Variants in MLIP observed in about 807,000 individuals in gnomAD.
MLIP encodes muscular LMNA interacting protein, also known as muscular LMNA-interacting protein.
Under a neutral mutation model 84.8 loss-of-function variants are expected in MLIP, and 79 were observed. The ratio of observed to expected loss-of-function variants is 0.93; its 90% CI spans 0.78 to 1.12. MLIP has a LOEUF of 1.12. MLIP is among the 50% of genes most tolerant of loss of function. The probability of loss-of-function intolerance (pLI) is 0.00; values close to 1 mark genes in which losing one functional copy is unlikely to be tolerated. For missense variants in MLIP, 1,257 were observed against 1,160.6 expected (o/e 1.08, Z -1.21); for synonymous variants, 504 against 463.0 (o/e 1.09, Z -1.14).
At chr6:54,074,938 G>A (rs1391651556) in intron 1 of MLIP, among the ~76,000 whole-genome samples, 1 of 152,020 alleles carries the variant, frequency 6.6e-6, no homozygotes, top group Non-Finnish European at 1.5e-5. Context: ...AAGAACAGCT[G>A]CTGCATTTGC....
At chr6:54,081,203 G>A (rs1011703314) in intron 1 of MLIP, among the ~76,000 whole-genome samples, 1 of 151,982 alleles carries the variant, frequency 6.6e-6, no homozygotes, top group Non-Finnish European at 1.5e-5. Context: ...CACCATCCTT[G>A]GGGAGGTGTT....
chr6:54,096,980 A>G (rs1768259540), intron 1 of MLIP, among the ~76,000 whole-genome samples: 1 of 152,128 alleles, frequency 6.6e-6, no homozygotes, highest in Non-Finnish European at 1.5e-5. Context: ...AGAAGACAGG[A>G]AGGACAGGAA....
At position 54,137,452 on chromosome 6, in the gene MLIP, G is replaced by C. The variant is rs1237366147; in HGVS notation, c.1383G>C (p.Thr461=). The C allele has an allele frequency of 1.3e-6, 2 of 1,535,778 alleles. No individual in the cohort carries two copies. The highest frequency in any genetic ancestry group is 3.9e-5 in the Admixed American group (2 of 50,956). The stretch of plus-strand genomic sequence containing the variant: ...AAAAAGAAAAGCAGACCCCACCCAC[G>C]CCTAAAAAATCTCTCTCAAGTTGTT... ...LDQKEKQTPP[T]PKKSLSSCSL... Residue 461 remains threonine (T), a synonymous_variant, in exon 4 of 14, where the codon ACG becomes ACC. Coordinates refer to ENST00000502396, the MANE Select transcript of MLIP (RefSeq NM_001281747.2).
At chr6:54,181,024 C>T (rs1461770909) in intron 9 of MLIP, among the ~76,000 whole-genome samples, 1 of 152,118 alleles carries the variant, frequency 6.6e-6, no homozygotes, top group Non-Finnish European at 1.5e-5. Context: ...CTTACTTTCT[C>T]TCAGAGAAAT....
At chr6:54,049,754 A>C (rs1289633508) in intron 1 of MLIP, among the ~76,000 whole-genome samples, 1 of 152,188 alleles carries the variant, frequency 6.6e-6, no homozygotes, top group Admixed American at 6.6e-5. Context: ...CATAATTTAC[A>C]TCTTGCATAT....
At chr6:54,164,590 A>G (rs912628427) in intron 8 of MLIP, among the ~76,000 whole-genome samples, 1 of 152,018 alleles carries the variant, frequency 6.6e-6, no homozygotes, top group Admixed American at 6.6e-5. Flanking sequence ...CCATCAACTG[A>G]AAAAGTTCCT....
At chr6:54,213,707 CAAAAA>C (rs1219772069) in intron 11 of MLIP, among the ~76,000 whole-genome samples, 5 of 8,474 alleles carry the variant, frequency 5.9e-4, no homozygotes, top group African/African-American at 1.7e-3. Flanking sequence ...GACTTTGTCT[CAAAAA>C]AAAAAAAAAA....
In MLIP at chr6:54,237,138, G is replaced by T. The variant is rs141364159; in HGVS notation, c.2922+6221G>T. Among the ~76,000 whole-genome samples the T allele has an allele frequency of 3.8e-4, 57 of 151,966 alleles. 1 individual carries two copies. Among genetic ancestry groups the T allele is most frequent in the African/African-American group, 1.3e-3 (53 of 41,462 alleles). ...TGGTTCCAGGAAATGCCTGTTAGGG[G>T]AGTGGGGACTGAGACAAGGAGGAGA... On this transcript the variant is annotated intron_variant, in intron 12 of 13. Coordinates refer to ENST00000502396, the MANE Select transcript of MLIP (RefSeq NM_001281747.2).
chr6:54,256,392 C>T (rs978100642), intron 12 of MLIP, among the ~76,000 whole-genome samples: 3 of 152,052 alleles, frequency 2.0e-5, no homozygotes, highest in African/African-American at 7.2e-5. Context: ...GACTTTTTGC[C>T]CAAAGCAAGA....
chr6:54,142,469 G>A (rs1772399402), intron 4 of MLIP, among the ~76,000 whole-genome samples: 1 of 152,154 alleles, frequency 6.6e-6, no homozygotes, highest in African/African-American at 2.4e-5. Context: ...TACTCCTTAA[G>A]AGAGTATAGT....
At chr6:54,157,323 G>A (rs1774131942) in intron 5 of MLIP, among the ~76,000 whole-genome samples, 1 of 152,114 alleles carries the variant, frequency 6.6e-6, no homozygotes, top group Non-Finnish European at 1.5e-5. Context: ...CTAGAATTGA[G>A]AGAGCCTCAA....
At chr6:54,060,216 T>C (rs1244236122) in intron 1 of MLIP, among the ~76,000 whole-genome samples, 3 of 152,236 alleles carry the variant, frequency 2.0e-5, no homozygotes, top group African/African-American at 7.2e-5. Flanking sequence ...ACTCTACATT[T>C]TAAAGATGAC....
In MLIP at chr6:54,092,527, T is replaced by C. The variant is rs1229386745; in HGVS notation, c.64-28920T>C. Among the ~76,000 whole-genome samples the C allele has an allele frequency of 2.6e-5, 4 of 152,066 alleles. No individual in the cohort carries two copies. In the East Asian group the frequency reaches 7.7e-4, roughly 29 times the overall value. ...GAGTTTTGCAGAACATACTTCTTTA[T>C]TGATCATATTTTCCCAACAAAATAT... On this transcript the variant is annotated intron_variant, in intron 1 of 12. Coordinates refer to the MLIP transcript ENST00000274897.
intron 1 of MLIP, chr6:54,057,880 G>T (rs970046441): frequency 6.6e-6 from 1 of 152,084 alleles, no homozygotes; most frequent in African/African-American, 2.4e-5. Context: ...GAGACAGAGA[G>T]GCAAAAATAG....
At chr6:54,071,924 A>G (rs901124958) in intron 1 of MLIP, among the ~76,000 whole-genome samples, 3 of 152,230 alleles carry the variant, frequency 2.0e-5, no homozygotes, top group Non-Finnish European at 4.4e-5. Flanking sequence ...ACAATCATGT[A>G]GACCCTATTA....
intron 12 of MLIP, among the ~76,000 whole-genome samples, chr6:54,231,548 G>T (rs770900857): frequency 3.9e-5 from 6 of 152,050 alleles, no homozygotes; most frequent in African/African-American, 7.2e-5. Context: ...CTTTGGAATT[G>T]AATCATAAAT....
At chr6:54,042,680 G>A (rs539208980) in intron 1 of MLIP, among the ~76,000 whole-genome samples, 8 of 152,272 alleles carry the variant, frequency 5.3e-5, no homozygotes, top group African/African-American at 1.7e-4. Context: ...TAGAGTGAAA[G>A]GGCAGCAGAT....
At chr6:54,257,011 C>G (rs1392929445) in intron 12 of MLIP, among the ~76,000 whole-genome samples, 3 of 152,024 alleles carry the variant, frequency 2.0e-5, no homozygotes, top group Non-Finnish European at 4.4e-5. Context: ...TTGACGATTC[C>G]TTCATTACAT....
chr6:54,138,066 A>G lies in MLIP; in HGVS notation c.1997A>G (p.Asn666Ser). 3 of 1,536,002 alleles carry G rather than the reference A, an allele frequency of 2.0e-6. No homozygotes were observed. Among genetic ancestry groups the G allele is most frequent in the Non-Finnish European group, 2.6e-6 (3 of 1,146,872 alleles). ...NLRSSSLPHA[N>S]LPTLVPQLSP... ...AGGTCCTCCTCTCTCCCTCATGCCA[A>G]TCTGCCCACCCTGGTGCCCCAGCTC... Residue 666 changes from asparagine (N) to serine (S), a missense_variant, in exon 4 of 14, where the codon AAT becomes AGT. Coordinates refer to ENST00000502396, the MANE Select transcript of MLIP (RefSeq NM_001281747.2).
Sources: gnomAD v4.1 joint callset for allele counts (sites outside exome capture counted in the v4.1 genomes callset) on GRCh38, gnomAD v4.1.1 for gene constraint, MANE v1.5 for transcripts, NCBI Gene and HGNC (gene_info 2026-07-23, HGNC 2026-07-21) for gene names.